KCNN2: variants seen among roughly 807,000 people sequenced by gnomAD.
KCNN2 encodes small conductance calcium-activated potassium channel protein 2.
KCNN2 carries 24 observed loss-of-function variants against 55.5 expected under a neutral mutation model. The observed-to-expected ratio is 0.43, with a 90% confidence interval of 0.31 to 0.61. The LOEUF is 0.61. Among genes scored for constraint, KCNN2 ranks in the 20% least tolerant of loss-of-function variants. KCNN2 has a pLI of 0.08. For missense variants in KCNN2, 754 were observed against 853.6 expected, an observed-to-expected ratio of 0.88 and a Z score of 1.45; for synonymous variants, 431 against 336.1, an observed-to-expected ratio of 1.28 and a Z score of -3.09.
At chr5:114,443,241 A>T (rs1427336558) in intron 3 of KCNN2, among the ~76,000 whole-genome samples, 1 of 151,958 alleles carries the variant, frequency 6.6e-6, no homozygotes, top group East Asian at 1.9e-4. Context: ...CAGTGAGCCG[A>T]GATCATGCCA....
chr5:114,449,886 ACACACACACACACACACACACACG>A (rs1202312011), intron 3 of KCNN2, among the ~76,000 whole-genome samples: 1 of 70,262 alleles, frequency 1.4e-5, no homozygotes, highest in Non-Finnish European at 3.5e-5. Flanking sequence ...ACATACACAC[ACACACACACACACACACACACACG>A]CGCGCGCTCG....
At position 114,362,643 on chromosome 5, in the gene KCNN2, C is replaced by T; in HGVS notation, c.504C>T (p.Ser168=). ...HQCHSLQPAA[S]PTGSLGSLGS... ...GCCACAGCCTGCAGCCCGCCGCCAG[C>T]CCCACGGGCAGCCTCGGCAGTCTGG... The change falls in exon 1 of 8, where the codon AGC becomes AGT. Residue 168 remains serine, a synonymous_variant. Transcript: ENST00000673685. The T allele has an allele frequency of 8.0e-7, 1 of 1,255,512 alleles. No homozygotes were observed. The highest frequency in any genetic ancestry group is 1.1e-6 in the Non-Finnish European group (1 of 940,328). 77.8% of individuals were successfully genotyped at this position (1,255,512 alleles called of 1,614,324 possible).
intron 1 of KCNN2, among the ~76,000 whole-genome samples, chr5:114,167,756 T>C (rs561023928): frequency 6.6e-6 from 1 of 152,302 alleles, no homozygotes; most frequent in African/African-American, 2.4e-5. Context: ...TGCATTCACC[T>C]GAGAAACCAT....
intron 1 of KCNN2, among the ~76,000 whole-genome samples, chr5:114,067,819 G>C (rs748439762): frequency 8.4e-4 from 128 of 152,134 alleles, no homozygotes; most frequent in Middle Eastern, 3.2e-3. Context: ...TCTCTATATT[G>C]TTAGCCTTCA....
At chr5:114,272,679 A>G (rs1203290543) in intron 2 of KCNN2, among the ~76,000 whole-genome samples, 1 of 152,098 alleles carries the variant, frequency 6.6e-6, no homozygotes, top group Non-Finnish European at 1.5e-5. Flanking sequence ...TGGCTTATTC[A>G]TATATATTTT....
chr5:114,066,215 T>C (rs1750447931), intron 1 of KCNN2, among the ~76,000 whole-genome samples: 1 of 152,248 alleles, frequency 6.6e-6, no homozygotes, highest in African/African-American at 2.4e-5. Context: ...AAGAACTTTC[T>C]CTCTTTCTCT....
intron 2 of KCNN2, among the ~76,000 whole-genome samples, chr5:114,250,872 T>C (rs1285645642): frequency 6.6e-6 from 1 of 152,184 alleles, no homozygotes; most frequent in Non-Finnish European, 1.5e-5. Flanking sequence ...TGCCCACCCA[T>C]AGTGATGAGT....
chr5:114,353,079 T>C (rs1413764237), intron 2 of KCNN2, among the ~76,000 whole-genome samples: 6 of 151,912 alleles, frequency 3.9e-5, no homozygotes, highest in Non-Finnish European at 5.9e-5. Context: ...TATGCACATA[T>C]ATGTATTTAA....
rs1000926675 is a variant in KCNN2 at position 114,155,520 on chromosome 5, C to T, written c.-270-65960C>T. Among the ~76,000 whole-genome samples, 4 of 152,286 alleles carry T rather than the reference C, an allele frequency of 2.6e-5. No homozygotes were observed. The East Asian group carries it at 7.7e-4, about 29-fold the overall frequency. On this transcript the variant is annotated intron_variant, in intron 1 of 10. Coordinates refer to the KCNN2 transcript ENST00000512097. ...CTCCCTTCAACAGTGTATAAACATTCCCTTTTCTCCACAACCTCACCAGCA... is the reference window on the plus strand; with the variant it reads ...CTCCCTTCAACAGTGTATAAACATTTCCTTTTCTCCACAACCTCACCAGCA...
chr5:114,259,811 C>T (rs1561544132), intron 2 of KCNN2, among the ~76,000 whole-genome samples: 1 of 152,040 alleles, frequency 6.6e-6, no homozygotes, highest in Non-Finnish European at 1.5e-5. Flanking sequence ...TTTGCTGTGC[C>T]CCAGCTTCTT....
intron 2 of KCNN2, among the ~76,000 whole-genome samples, chr5:114,309,228 AG>A (rs1561565141): frequency 6.6e-6 from 1 of 152,218 alleles, no homozygotes; most frequent in Non-Finnish European, 1.5e-5. Context: ...TACCCAAGGC[AG>A]ACAAAATTGG....
chr5:114,482,946 G>C (rs36083903), intron 5 of KCNN2, among the ~76,000 whole-genome samples: 58,195 of 151,772 alleles, frequency 0.38, 12,676 homozygotes, highest in Non-Finnish European at 0.49. Flanking sequence ...TAATAGCTGG[G>C]TGATGGAATG....
intron 2 of KCNN2, among the ~76,000 whole-genome samples, chr5:114,404,177 A>G (rs1758868461): frequency 6.6e-6 from 1 of 152,206 alleles, no homozygotes; most frequent in South Asian, 2.1e-4. Flanking sequence ...TTTTAAAATG[A>G]TGATGTTTAC....
At chr5:114,291,473 A>T (rs1326838610) in intron 2 of KCNN2, among the ~76,000 whole-genome samples, 2 of 152,110 alleles carry the variant, frequency 1.3e-5, no homozygotes, top group African/African-American at 4.8e-5. Flanking sequence ...GTTTGCTGAG[A>T]ATGATGGTTT....
intron 3 of KCNN2, among the ~76,000 whole-genome samples, chr5:114,406,422 A>G (rs1758936052): frequency 6.6e-6 from 1 of 151,886 alleles, no homozygotes. Flanking sequence ...ATCTCCCAGT[A>G]AGATATATAA....
intron 1 of KCNN2, among the ~76,000 whole-genome samples, chr5:114,139,880 C>T (rs972991794): frequency 6.6e-6 from 1 of 151,848 alleles, no homozygotes; most frequent in Non-Finnish European, 1.5e-5. Flanking sequence ...TTTCCATCTG[C>T]ATACCTGGGT....
At chr5:114,387,831 C>A (rs1192948336) in intron 2 of KCNN2, among the ~76,000 whole-genome samples, 1 of 152,252 alleles carries the variant, frequency 6.6e-6, no homozygotes, top group Non-Finnish European at 1.5e-5. Context: ...TAGCTTTTTG[C>A]CAGTTGGCAG....
chr5:114,467,629 A>G (rs937987814), intron 4 of KCNN2, among the ~76,000 whole-genome samples: 13 of 152,162 alleles, frequency 8.5e-5, no homozygotes, highest in Non-Finnish European at 1.5e-4. Flanking sequence ...TCATAAGGCT[A>G]AATTCCCCAC....
At chr5:114,191,027 G>A (rs7738011) in intron 1 of KCNN2, among the ~76,000 whole-genome samples, 42,499 of 152,026 alleles carry the variant, frequency 0.28, 6,558 homozygotes, top group East Asian at 0.73. Context: ...ACAGAATGGA[G>A]TAGAAATGCT....
Sources: allele counts gnomAD v4.1 joint callset (sites outside exome capture counted in the v4.1 genomes callset), GRCh38; gene constraint gnomAD v4.1.1; transcripts MANE v1.5; gene names NCBI Gene and HGNC (gene_info 2026-07-23, HGNC 2026-07-21).